Variants in SGCZ observed in about 807,000 individuals in gnomAD.
The protein encoded by SGCZ is zeta-sarcoglycan.
SGCZ carries 40 observed loss-of-function variants against 41.3 expected under a neutral mutation model. That is an observed-to-expected ratio of 0.97 (90% CI 0.75 to 1.26). The LOEUF (loss-of-function observed/expected upper bound fraction) is 1.26. Ranked by LOEUF, SGCZ falls within the 50% of genes most tolerant of loss-of-function variation. The pLI is 0.00. For missense variants in SGCZ, 552 were observed against 369.8 expected, an observed-to-expected ratio of 1.49 and a Z score of -4.04; for synonymous variants, 206 against 137.5, an observed-to-expected ratio of 1.50 and a Z score of -3.49.
At chr8:14,399,138 G>A (rs773249334) in intron 2 of SGCZ, among the ~76,000 whole-genome samples, 4 of 152,080 alleles carry the variant, frequency 2.6e-5, no homozygotes, top group Non-Finnish European at 5.9e-5. Flanking sequence ...TTTTTGCTGA[G>A]CAGAAAGGCA....
At chr8:14,765,140 C>T (rs1224011200) in intron 1 of SGCZ, among the ~76,000 whole-genome samples, 1 of 152,138 alleles carries the variant, frequency 6.6e-6, no homozygotes, top group South Asian at 2.1e-4. Context: ...GACAGCCACA[C>T]CCACAATCCC....
At chr8:14,264,521 G>C (rs1799805006) in intron 3 of SGCZ, among the ~76,000 whole-genome samples, 1 of 152,156 alleles carries the variant, frequency 6.6e-6, no homozygotes, top group Non-Finnish European at 1.5e-5. Flanking sequence ...CTGCCATCTA[G>C]TGCTGAACAT....
chr8:14,108,577 G>C (rs532697168), intron 5 of SGCZ, among the ~76,000 whole-genome samples: 4 of 152,070 alleles, frequency 2.6e-5, no homozygotes, highest in African/African-American at 9.6e-5. Context: ...ATTCACGACC[G>C]TGAGAACATT....
At chr8:14,379,240 T>G (rs1182429361) in intron 2 of SGCZ, among the ~76,000 whole-genome samples, 4 of 152,108 alleles carry the variant, frequency 2.6e-5, no homozygotes, top group Non-Finnish European at 5.9e-5. Context: ...TCAATGAAAA[T>G]TTCTCACCAT....
intron 1 of SGCZ, among the ~76,000 whole-genome samples, chr8:14,683,238 G>C (rs1585179818): frequency 1.3e-5 from 2 of 152,192 alleles, no homozygotes; most frequent in Admixed American, 1.3e-4. Context: ...AACAATAAAT[G>C]CTTACGATTA....
intron 1 of SGCZ, among the ~76,000 whole-genome samples, chr8:14,603,918 G>A (rs1177023929): frequency 4.6e-5 from 7 of 151,712 alleles, no homozygotes; most frequent in South Asian, 2.1e-4. Context: ...TGCTTGACCC[G>A]CTGATCTTGT....
chr8:14,155,731 G>A (rs1803857001), intron 5 of SGCZ, among the ~76,000 whole-genome samples: 1 of 150,558 alleles, frequency 6.6e-6, no homozygotes, highest in Non-Finnish European at 1.5e-5. Flanking sequence ...TATATACAAA[G>A]GCATATATCT....
At chr8:14,518,668 A>G (rs1020439802) in intron 2 of SGCZ, among the ~76,000 whole-genome samples, 24 of 152,076 alleles carry the variant, frequency 1.6e-4, no homozygotes, top group African/African-American at 5.8e-4. Context: ...ATCAGGTTAC[A>G]TATAAGAAAA....
intron 3 of SGCZ, among the ~76,000 whole-genome samples, chr8:14,272,959 T>C (rs1328946965): frequency 6.6e-6 from 1 of 152,114 alleles, no homozygotes; most frequent in African/African-American, 2.4e-5. Context: ...AACTCAAATA[T>C]ATGAGTGTGA....
rs186368742 is a variant in SGCZ, at chr8:14,322,157, G to A, written c.336+1946C>T. On this transcript the variant is annotated intron_variant, in intron 3 of 7. Transcript: ENST00000382080. ...TGTTTATTTTTGAAGTGTATGTGCA[G>A]AGAATTTTCCAAGAAGTGTATGAGT... Among the ~76,000 whole-genome samples the A allele has an allele frequency of 1.9e-3, 293 of 152,244 alleles. 1 individual carries two copies. The highest frequency in any genetic ancestry group is 6.9e-3 in the African/African-American group (285 of 41,546).
chr8:15,060,435 C>T (rs1025853359), intron 1 of SGCZ, among the ~76,000 whole-genome samples: 15 of 147,848 alleles, frequency 1.0e-4, no homozygotes, highest in African/African-American at 2.5e-4. Flanking sequence ...AACCAAACAC[C>T]GCACGTTCTC....
rs538493167 is a variant in SGCZ, at chr8:14,309,491, G to C, written c.336+14612C>G. On this transcript the variant is annotated intron_variant, in intron 3 of 7. Coordinates refer to ENST00000382080, the MANE Select transcript of SGCZ (RefSeq NM_139167.4). ...ATGTGGCGCTGTTGTTAATGTTAGAGCTAATTGTGATAAGAGAGCAGTGTG... is the reference window on the plus strand; with the variant it reads ...ATGTGGCGCTGTTGTTAATGTTAGACCTAATTGTGATAAGAGAGCAGTGTG... The C allele has an allele frequency of 3.6e-5, 58 of 1,608,148 alleles. No homozygotes were observed. The South Asian group carries it at 6.3e-4, about 17-fold the overall frequency.
At chr8:14,431,355 G>C (rs1025129639) in intron 2 of SGCZ, among the ~76,000 whole-genome samples, 1 of 152,090 alleles carries the variant, frequency 6.6e-6, no homozygotes, top group African/African-American at 2.4e-5. Context: ...TAGACCAAAG[G>C]AACAGAATGG....
chr8:14,129,813 A>G (rs1229897965), intron 5 of SGCZ, among the ~76,000 whole-genome samples: 1 of 152,158 alleles, frequency 6.6e-6, no homozygotes, highest in Non-Finnish European at 1.5e-5. Context: ...TGAAAATGAC[A>G]AAACATTGCC....
In SGCZ at chr8:14,780,674, G is replaced by T. The variant is rs148991796; in HGVS notation, c.40-225748C>A. ...GATCATAAAACCTCAACTAAATTCAGATTTAAGCTATTAAAAAAAATTTGA... is the reference window on the plus strand; with the variant it reads ...GATCATAAAACCTCAACTAAATTCATATTTAAGCTATTAAAAAAAATTTGA... On this transcript the variant is annotated intron_variant, in intron 1 of 7. Transcript: ENST00000382080. 7.5e-3 allele frequency among the ~76,000 whole-genome samples: 1,135 copies of T among 152,062 alleles called. 13 individuals are homozygous for T. The highest frequency in any genetic ancestry group is 0.025 in the African/African-American group (1,048 of 41,464).
chr8:14,508,609 TG>T (rs1243481224), intron 2 of SGCZ, among the ~76,000 whole-genome samples: 2 of 152,152 alleles, frequency 1.3e-5, no homozygotes, highest in Non-Finnish European at 2.9e-5. Flanking sequence ...TGTGCCTTGG[TG>T]GGTCACTAAC....
At chr8:14,906,648 ACC>A (rs1262737135) in intron 1 of SGCZ, among the ~76,000 whole-genome samples, 3 of 152,200 alleles carry the variant, frequency 2.0e-5, no homozygotes, top group Admixed American at 1.3e-4. Flanking sequence ...TATTATACTT[ACC>A]CCTCACCAGT....
chr8:14,636,453 C>T (rs1182163790), intron 1 of SGCZ, among the ~76,000 whole-genome samples: 1 of 151,720 alleles, frequency 6.6e-6, no homozygotes, highest in Non-Finnish European at 1.5e-5. Flanking sequence ...CTAAATGTGA[C>T]GATGAAGAGA....
chr8:14,498,751 A>G (rs2117046755), intron 2 of SGCZ, among the ~76,000 whole-genome samples: 1 of 152,194 alleles, frequency 6.6e-6, no homozygotes, highest in South Asian at 2.1e-4. Flanking sequence ...AATCTTATTT[A>G]TATTAATCCC....
Sources: gnomAD v4.1 joint callset for allele counts (sites outside exome capture counted in the v4.1 genomes callset) on GRCh38, gnomAD v4.1.1 for gene constraint, MANE v1.5 for transcripts, NCBI Gene and HGNC (gene_info 2026-07-23, HGNC 2026-07-21) for gene names.